The following SRGN variants were observed in gnomAD, a reference collection of about 807,000 sequenced individuals.
The protein encoded by SRGN is hematopoetic proteoglycan core peptide.
In SRGN, 2 loss-of-function variants were observed where a neutral mutation model predicts 9.5. The observed-to-expected ratio is 0.21, with a 90% CI of 0.09 to 0.66. The LOEUF (loss-of-function observed/expected upper bound fraction) is 0.66. Among genes scored for constraint, SRGN ranks in the 30% least tolerant of loss-of-function variants. SRGN has a pLI of 0.83. For synonymous variants in SRGN, 59 were observed against 72.3 expected (o/e 0.82, Z 0.93); for missense variants, 170 against 192.4 (o/e 0.88, Z 0.69).
rs772659431 is a variant in SRGN at position 69,104,095 on chromosome 10, G to A, written c.452G>A (p.Gly151Glu). ...GACAGCCAGGACTTGGGTCAACATGGATTAGAAGAGGATTTTATGTTATAA... is the reference window on the plus strand; with the variant it reads ...GACAGCCAGGACTTGGGTCAACATGAATTAGAAGAGGATTTTATGTTATAA... ...PSDSQDLGQHGLEEDFML is the reference protein window; with the variant it reads ...PSDSQDLGQHELEEDFML Residue 151 changes from glycine (G) to glutamate (E), a missense_variant, in exon 3 of 3, where the codon GGA becomes GAA. Transcript: ENST00000242465. 1.5e-5 allele frequency: 24 copies of A among 1,614,046 alleles called. 1 individual carries two copies. In the South Asian group the frequency reaches 2.5e-4, roughly 17 times the overall value.
intron 2 of SRGN, among the ~76,000 whole-genome samples, chr10:69,103,444 G>A (rs916812414): frequency 1.3e-5 from 2 of 152,058 alleles, no homozygotes; most frequent in African/African-American, 4.8e-5. Flanking sequence ...TCGGGAGGCT[G>A]AGGCAGGAGA....
At chr10:69,088,812 C>A (rs150171072) in intron 1 of SRGN, among the ~76,000 whole-genome samples, 3 of 151,738 alleles carry the variant, frequency 2.0e-5, no homozygotes, top group Non-Finnish European at 4.4e-5. Flanking sequence ...AAAGAGAAGG[C>A]CAAATAATTT....
chr10:69,097,023 G>A, intron 1 of SRGN, 61 bp from the exon 2 acceptor site: 1 of 1,563,708 alleles, frequency 6.4e-7, no homozygotes, highest in South Asian at 1.2e-5. Flanking sequence ...AAACTTCTTA[G>A]GACAGAGTGA....
At chr10:69,103,499 C>G (rs1056108645) in intron 2 of SRGN, among the ~76,000 whole-genome samples, 3 of 152,092 alleles carry the variant, frequency 2.0e-5, no homozygotes, top group Non-Finnish European at 2.9e-5. Context: ...GCCGAGATGG[C>G]ACCACTGCAC....
intron 1 of SRGN, among the ~76,000 whole-genome samples, chr10:69,094,510 C>T (rs1471245866): frequency 1.3e-5 from 2 of 152,112 alleles, no homozygotes; most frequent in African/African-American, 4.8e-5. Flanking sequence ...TTTTTCCCCC[C>T]ATGTCTGTTT....
At chr10:69,091,907 A>AAAAAG (rs1564658941) in intron 1 of SRGN, among the ~76,000 whole-genome samples, 1 of 89,430 alleles carries the variant, frequency 1.1e-5, no homozygotes, top group African/African-American at 3.0e-5. Flanking sequence ...AAAAAAAAAA[A>AAAAAG]AGAAAAAGAA....
chr10:69,101,001 TTA>T (rs1365724952), intron 2 of SRGN, among the ~76,000 whole-genome samples: 2 of 150,002 alleles, frequency 1.3e-5, no homozygotes, highest in Non-Finnish European at 1.5e-5. Context: ...TTTTTTTTTT[TTA>T]CAGAGTCTCA....
rs1177012248 is a variant in SRGN, at chr10:69,091,879, C to CAAAAAAAA, written c.79+3665_79+3672dup. Among the ~76,000 whole-genome samples the CAAAAAAAA allele has an allele frequency of 5.3e-3, 168 of 31,730 alleles. 2 individuals are homozygous for CAAAAAAAA. Among genetic ancestry groups the CAAAAAAAA allele is most frequent in the African/African-American group, 9.3e-3 (44 of 4,736 alleles). The allele number at this position is 31,730 out of a possible 152,430, so 20.8% of individuals were successfully genotyped here. ...TGGGCGATAGACTGAGACTCTGTCT[C>CAAAAAAAA]AAAAAAAAAAAAAAAAAAAAAAAAA... On this transcript the variant is annotated intron_variant, in intron 1 of 2. Coordinates refer to ENST00000242465, the MANE Select transcript of SRGN (RefSeq NM_002727.4).
At chr10:69,095,813 GA>G (rs1840161355) in intron 1 of SRGN, among the ~76,000 whole-genome samples, 2 of 152,044 alleles carry the variant, frequency 1.3e-5, no homozygotes, top group Admixed American at 1.3e-4. Context: ...TCCAGAGGGT[GA>G]GGCAGAAAAA....
chr10:69,095,951 A>C (rs958404275), intron 1 of SRGN, among the ~76,000 whole-genome samples: 1 of 148,144 alleles, frequency 6.8e-6, no homozygotes, highest in African/African-American at 2.4e-5. Flanking sequence ...TAAATCTCCT[A>C]TATAACCTCA....
intron 1 of SRGN, among the ~76,000 whole-genome samples, chr10:69,094,960 C>G (rs991783102): frequency 6.6e-6 from 1 of 151,788 alleles, no homozygotes; most frequent in Non-Finnish European, 1.5e-5. Flanking sequence ...CTCTCACCCT[C>G]TCACTCATTT....
chr10:69,102,048 G>C (rs983874077), intron 2 of SRGN, among the ~76,000 whole-genome samples: 6 of 151,242 alleles, frequency 4.0e-5, no homozygotes, highest in African/African-American at 1.5e-4. Context: ...GGCCCTTTCT[G>C]TAAAAAAAAA....
chr10:69,096,954 A>T, intron 1 of SRGN, 130 bp from the exon 2 acceptor site: 2 of 843,338 alleles, frequency 2.4e-6, no homozygotes, highest in Non-Finnish European at 3.6e-6. Context: ...TGATCACAGT[A>T]CTGCACTCCA....
intron 1 of SRGN, among the ~76,000 whole-genome samples, chr10:69,095,404 G>C (rs1322651302): frequency 6.6e-6 from 1 of 151,632 alleles, no homozygotes; most frequent in Non-Finnish European, 1.5e-5. Context: ...ATTATTTTGT[G>C]GTGAGCTTTA....
chr10:69,095,909 C>A (rs1424080269), intron 1 of SRGN, among the ~76,000 whole-genome samples: 1 of 58,370 alleles, frequency 1.7e-5, no homozygotes, highest in African/African-American at 3.6e-5. Flanking sequence ...AAGACTCTCT[C>A]TCAATAAAAT....
rs530449395 is a variant in SRGN at position 69,100,700 on chromosome 10, C to A, written c.228-3171C>A. Among the ~76,000 whole-genome samples, 681 of 152,174 alleles carry A rather than the reference C, an allele frequency of 4.5e-3. 5 individuals carry two copies. The highest frequency in any genetic ancestry group is 0.016 in the African/African-American group (659 of 41,520). The stretch of plus-strand genomic sequence containing the variant: ...TGTATTGGCTGTGGGGTGGGGGTGG[C>A]GGTGGAACTGACCCCTGGCGTCTGC... On this transcript the variant is annotated intron_variant, in intron 2 of 2. Coordinates refer to ENST00000242465, the MANE Select transcript of SRGN (RefSeq NM_002727.4).
rs1333957423 is a variant in SRGN, at chr10:69,097,210, G to A, written c.206G>A (p.Arg69His). ...LLPGESNKIP[R>H]LRTDLFPKTR... ...CCAGGTGAATCCAACAAGATCCCCC[G>A]TCTGAGGACTGACCTTTTTCCGTAA... The change falls in exon 2 of 3, where the codon CGT becomes CAT. Residue 69 changes from arginine to histidine, a missense_variant. By Grantham distance (29) the Arg-to-His change is conservative (BLOSUM62 0). Coordinates refer to ENST00000242465, the MANE Select transcript of SRGN (RefSeq NM_002727.4). 6.2e-6 allele frequency: 10 copies of A among 1,613,584 alleles called. No individual in the cohort carries two copies. Among genetic ancestry groups the A allele is most frequent in the East Asian group, 2.2e-5 (1 of 44,870 alleles).
chr10:69,096,582 T>C (rs984635915), intron 1 of SRGN, among the ~76,000 whole-genome samples: 20 of 152,330 alleles, frequency 1.3e-4, no homozygotes, highest in African/African-American at 4.1e-4. Flanking sequence ...ACAATTTATA[T>C]AAAATGTTGG....
chr10:69,095,612 A>G (rs1451217238), intron 1 of SRGN, among the ~76,000 whole-genome samples: 3 of 152,088 alleles, frequency 2.0e-5, no homozygotes, highest in Admixed American at 6.6e-5. Context: ...ATTAGCTAAC[A>G]AAGAACCTCC....
Sources: gnomAD v4.1 joint callset for allele counts (sites outside exome capture counted in the v4.1 genomes callset) on GRCh38, gnomAD v4.1.1 for gene constraint, MANE v1.5 for transcripts, NCBI Gene and HGNC (gene_info 2026-07-23, HGNC 2026-07-21) for gene names.